The following PAPSS1 variants were observed in gnomAD, a reference collection of about 807,000 sequenced individuals.
The protein encoded by PAPSS1 is bifunctional 3'-phosphoadenosine 5'-phosphosulfate synthase 1.
PAPSS1 carries 50 observed loss-of-function variants against 72.0 expected under a neutral mutation model. The ratio of observed to expected loss-of-function variants is 0.69; its 90% CI spans 0.55 to 0.88. PAPSS1 has a LOEUF of 0.88. Among genes scored for constraint, PAPSS1 ranks in the 40% least tolerant of loss-of-function variants. The pLI is 0.00. For synonymous variants in PAPSS1, 261 were observed against 263.6 expected, an observed-to-expected ratio of 0.99 and a Z score of 0.09; for missense variants, 657 against 782.2, an observed-to-expected ratio of 0.84 and a Z score of 1.91.
chr4:107,644,328 G>T (rs1022653739), intron 10 of PAPSS1, among the ~76,000 whole-genome samples: 2 of 152,166 alleles, frequency 1.3e-5, no homozygotes, highest in South Asian at 2.1e-4. Context: ...TTCCAGAGGT[G>T]CCCTCCCTAT....
intron 1 of PAPSS1, among the ~76,000 whole-genome samples, chr4:107,711,755 A>G (rs1723502042): frequency 6.6e-6 from 1 of 152,244 alleles, no homozygotes; most frequent in Non-Finnish European, 1.5e-5. Context: ...AGAAATCTTT[A>G]GTTCACAGAG....
intron 5 of PAPSS1, among the ~76,000 whole-genome samples, chr4:107,670,564 G>A (rs758231885): frequency 1.3e-5 from 2 of 151,768 alleles, no homozygotes; most frequent in African/African-American, 4.8e-5. Flanking sequence ...TTTCAGACAG[G>A]GTCTCACTCT....
chr4:107,713,324 G>A (rs182817943), intron 1 of PAPSS1, among the ~76,000 whole-genome samples: 10 of 152,302 alleles, frequency 6.6e-5, no homozygotes, highest in African/African-American at 1.4e-4. Context: ...TCAGGGGCTA[G>A]GAGAAAATGC....
At chr4:107,701,986 A>AAAAAAGCAT (rs1370310347) in intron 1 of PAPSS1, among the ~76,000 whole-genome samples, 1 of 152,174 alleles carries the variant, frequency 6.6e-6, no homozygotes, top group Non-Finnish European at 1.5e-5. Flanking sequence ...CAAAAAAAAA[A>AAAAAAGCAT]AAAAAAGCAT....
chr4:107,632,865 A>T (rs1726258608), intron 10 of PAPSS1, among the ~76,000 whole-genome samples: 1 of 152,220 alleles, frequency 6.6e-6, no homozygotes, highest in African/African-American at 2.4e-5. Flanking sequence ...ATAAATGATA[A>T]CCACTACACA....
At chr4:107,681,358 C>A (rs1722596724) in intron 5 of PAPSS1, among the ~76,000 whole-genome samples, 2 of 152,118 alleles carry the variant, frequency 1.3e-5, no homozygotes, top group Non-Finnish European at 2.9e-5. Flanking sequence ...CTACAGTGAA[C>A]TATGTGACCC....
chr4:107,705,081 C>T (rs900641533), intron 1 of PAPSS1, among the ~76,000 whole-genome samples: 3 of 152,118 alleles, frequency 2.0e-5, no homozygotes, highest in Admixed American at 6.5e-5. Context: ...TCAGGATTTT[C>T]GCATCTATGT....
chr4:107,674,967 G>C (rs949767188), intron 5 of PAPSS1, among the ~76,000 whole-genome samples: 10 of 152,116 alleles, frequency 6.6e-5, no homozygotes, highest in Admixed American at 5.9e-4. Flanking sequence ...CAGAAATAAA[G>C]ATGTTCTTTG....
chr4:107,696,773 A>G (rs928374202), intron 2 of PAPSS1, among the ~76,000 whole-genome samples: 11 of 152,160 alleles, frequency 7.2e-5, no homozygotes, highest in African/African-American at 2.7e-4. Context: ...GGATATGTTG[A>G]GAGCATCGAT....
chr4:107,657,737 C>T (rs1417124208), intron 6 of PAPSS1, among the ~76,000 whole-genome samples: 1 of 140,848 alleles, frequency 7.1e-6, no homozygotes, highest in Non-Finnish European at 1.5e-5. Context: ...AGAGTGAGAC[C>T]ATGTCTCAAA....
At chr4:107,645,113 C>A in intron 9 of PAPSS1, 43 bp from the exon 10 acceptor site, 2 of 1,390,446 alleles carry the variant, frequency 1.4e-6, no homozygotes, top group Non-Finnish European at 1.9e-6. Context: ...ATGTTTCTAA[C>A]AGATTACTTT....
In PAPSS1 at chr4:107,682,048, A is replaced by G. The variant is rs1182083656; in HGVS notation, c.636T>C (p.Cys212=). Residue 212 remains cysteine (C), a synonymous_variant, in exon 5 of 12, where the codon TGT becomes TGC. Coordinates refer to ENST00000265174, the MANE Select transcript of PAPSS1 (RefSeq NM_005443.5). ...LKTDSCDVND[C]VQQVVELLQE... ...GTAGAAGTTCCACAACTTGCTGGAC[A>G]CAGTCATTTACATCACAGGAGTCTG... 9 of 1,605,032 alleles carry G rather than the reference A, an allele frequency of 5.6e-6. No individual in the cohort carries two copies. Among genetic ancestry groups the G allele is most frequent in the African/African-American group, 2.7e-5 (2 of 74,622 alleles).
intron 6 of PAPSS1, among the ~76,000 whole-genome samples, chr4:107,658,784 C>G (rs913736136): frequency 6.6e-6 from 1 of 151,980 alleles, no homozygotes; most frequent in Non-Finnish European, 1.5e-5. Context: ...TAGATGGTAT[C>G]TGTTAGGGAT....
intron 4 of PAPSS1, 45 bp downstream of exon 4, chr4:107,686,994 T>C (rs1169481471): frequency 2.4e-5 from 38 of 1,556,902 alleles, no homozygotes; most frequent in Non-Finnish European, 3.1e-5. Flanking sequence ...TATGGGAACA[T>C]AAAATATCTA....
At chr4:107,719,696 G>A in intron 1 of PAPSS1, 1 of 628,466 alleles carries the variant, frequency 1.6e-6, no homozygotes, top group Middle Eastern at 7.7e-4. Flanking sequence ...AGAACGCGTC[G>A]AAGGCGCCCG....
At chr4:107,665,437 A>T (rs1727290449) in intron 5 of PAPSS1, among the ~76,000 whole-genome samples, 1 of 152,206 alleles carries the variant, frequency 6.6e-6, no homozygotes, top group African/African-American at 2.4e-5. Flanking sequence ...ATTAGAAACA[A>T]CGTGCTCTTC....
intron 3 of PAPSS1, among the ~76,000 whole-genome samples, chr4:107,688,915 C>A (rs954209698): frequency 2.6e-5 from 4 of 152,136 alleles, no homozygotes; most frequent in Admixed American, 2.6e-4. Flanking sequence ...TCATATGCTT[C>A]CCAAATCAAG....
intron 3 of PAPSS1, among the ~76,000 whole-genome samples, chr4:107,693,210 C>T (rs955457200): frequency 6.6e-6 from 1 of 152,144 alleles, no homozygotes; most frequent in Non-Finnish European, 1.5e-5. Context: ...TGGAAGTCAG[C>T]TGACACTGTG....
At chr4:107,687,529 G>A (rs1380084061) in intron 3 of PAPSS1, among the ~76,000 whole-genome samples, 1 of 152,082 alleles carries the variant, frequency 6.6e-6, no homozygotes, top group Non-Finnish European at 1.5e-5. Flanking sequence ...TTCAAACCCA[G>A]CCTGAGCTGG....
Sources: gnomAD v4.1 joint callset for allele counts (sites outside exome capture counted in the v4.1 genomes callset) on GRCh38, gnomAD v4.1.1 for gene constraint, MANE v1.5 for transcripts, NCBI Gene and HGNC (gene_info 2026-07-23, HGNC 2026-07-21) for gene names.